KIAA1549: variants seen among roughly 807,000 people sequenced by gnomAD.
KIAA1549 encodes UPF0606 protein KIAA1549.
In KIAA1549, 70 loss-of-function variants were observed where a neutral mutation model predicts 156.4. The observed-to-expected ratio is 0.45, with a 90% CI of 0.37 to 0.55. The LOEUF (loss-of-function observed/expected upper bound fraction) is 0.55. Ranked by LOEUF, KIAA1549 falls within the 20% of genes least tolerant of loss-of-function variation. The pLI, the probability that KIAA1549 is intolerant of heterozygous loss-of-function variation, is 0.00. For synonymous variants in KIAA1549, 1,103 were observed against 1,066.4 expected, an observed-to-expected ratio of 1.03 and a Z score of -0.67; for missense variants, 2,428 against 2,540.9, an observed-to-expected ratio of 0.96 and a Z score of 0.96.
chr7:138,894,247 C>A (rs1034846213), intron 10 of KIAA1549, 95 bp downstream of exon 10: 2 of 1,221,642 alleles, frequency 1.6e-6, no homozygotes, highest in African/African-American at 3.0e-5. Context: ...AGCCCTCCCT[C>A]TTCCTCATCT....
Position 138,881,603 on chromosome 7 carries a change from C to T in KIAA1549, c.4033-19G>A, listed in dbSNP as rs558572322. 576 of 1,599,406 alleles carry T rather than the reference C, an allele frequency of 3.6e-4. 7 individuals carry two copies. In the South Asian group the frequency reaches 6.2e-3, roughly 17 times the overall value. ...TCTGCAGCTGAAACATACACACACA[C>T]AAACAAGATTGTTAACCCGGAATCC... On this transcript the variant is annotated intron_variant, in intron 10 of 19. Coordinates refer to ENST00000422774, the MANE Select transcript of KIAA1549 (RefSeq NM_001164665.2).
intron 6 of KIAA1549, among the ~76,000 whole-genome samples, chr7:138,906,367 A>G (rs532758090): frequency 3.9e-5 from 6 of 152,340 alleles, no homozygotes; most frequent in East Asian, 1.9e-4. Flanking sequence ...GGATCAACCA[A>G]TGCAGGTTGA....
At chr7:138,887,359 G>C (rs1811422644) in intron 10 of KIAA1549, among the ~76,000 whole-genome samples, 2 of 152,026 alleles carry the variant, frequency 1.3e-5, no homozygotes, top group African/African-American at 4.8e-5. Context: ...TAAATAAAAT[G>C]CGTTTATTTT....
intron 1 of KIAA1549, among the ~76,000 whole-genome samples, chr7:138,929,284 T>C (rs1463683833): frequency 6.6e-6 from 1 of 152,254 alleles, no homozygotes; most frequent in Non-Finnish European, 1.5e-5. Flanking sequence ...TTCAACAATA[T>C]TCACAGCATC....
At chr7:138,978,857 C>G (rs1814457344) in intron 1 of KIAA1549, among the ~76,000 whole-genome samples, 1 of 152,208 alleles carries the variant, frequency 6.6e-6, no homozygotes, top group South Asian at 2.1e-4. Context: ...GCAACGCACC[C>G]TCTTCCCAGG....
At chr7:138,861,565 A>C in intron 15 of KIAA1549, 109 bp from the exon 16 acceptor site, 1 of 953,344 alleles carries the variant, frequency 1.0e-6, no homozygotes, top group Non-Finnish European at 1.6e-6. Flanking sequence ...AAAAAATGAC[A>C]GTTGAGGCTG....
chr7:138,969,032 T>TA (rs1814132384), intron 1 of KIAA1549, among the ~76,000 whole-genome samples: 1 of 152,064 alleles, frequency 6.6e-6, no homozygotes, highest in Non-Finnish European at 1.5e-5. Flanking sequence ...ATCACCCAGG[T>TA]ATTAAGCCCA....
At chr7:138,930,077 T>C (rs937193353) in intron 1 of KIAA1549, among the ~76,000 whole-genome samples, 1 of 152,252 alleles carries the variant, frequency 6.6e-6, no homozygotes, top group African/African-American at 2.4e-5. Flanking sequence ...AAAGCAACTT[T>C]AATCTCCTTA....
chr7:138,856,273 C>T (rs1403919422), intron 16 of KIAA1549, among the ~76,000 whole-genome samples: 3 of 151,784 alleles, frequency 2.0e-5, no homozygotes, highest in Admixed American at 6.6e-5. Context: ...CTCCTGACCT[C>T]GTGATCCACC....
At position 138,957,853 on chromosome 7, in the gene KIAA1549, C is replaced by G. The variant is rs115185471; in HGVS notation, c.187+23230G>C. Among the ~76,000 whole-genome samples, 1,019 of 152,230 alleles carry G rather than the reference C, an allele frequency of 6.7e-3. 10 individuals are homozygous for G. The highest frequency in any genetic ancestry group is 0.024 in the African/African-American group (979 of 41,530). ...CTTGCTGCCACCTCATCTCTACTGT[C>G]CCTTATTCTCTCTTTGTCCACTTCT... On this transcript the variant is annotated intron_variant, in intron 1 of 19. Transcript: ENST00000422774.
chr7:138,839,851 G>T (rs972646585), intron 19 of KIAA1549, among the ~76,000 whole-genome samples: 1 of 124,066 alleles, frequency 8.1e-6, no homozygotes, highest in Admixed American at 1.1e-4. Context: ...GCAGTGGCAC[G>T]ATCTCGGCTT....
intron 1 of KIAA1549, among the ~76,000 whole-genome samples, chr7:138,929,571 G>A (rs1018015913): frequency 5.3e-5 from 8 of 152,126 alleles, no homozygotes; most frequent in Non-Finnish European, 7.4e-5. Flanking sequence ...ATTCTTTATG[G>A]CATCTAGAAT....
chr7:138,958,133 C>T (rs1019787019), intron 1 of KIAA1549, among the ~76,000 whole-genome samples: 60 of 152,298 alleles, frequency 3.9e-4, no homozygotes, highest in Admixed American at 3.4e-3. Flanking sequence ...AATGATTATG[C>T]GTGTGCCTGT....
chr7:138,980,377 T>G (rs1402432052), intron 1 of KIAA1549, among the ~76,000 whole-genome samples: 4 of 152,244 alleles, frequency 2.6e-5, no homozygotes, highest in Non-Finnish European at 5.9e-5. Context: ...TCATGCCTCT[T>G]CATTCCATAC....
At chr7:138,946,067 A>C (rs1485818053) in intron 1 of KIAA1549, among the ~76,000 whole-genome samples, 2 of 144,226 alleles carry the variant, frequency 1.4e-5, no homozygotes. Context: ...AGCTCTCTCC[A>C]CCCTTTGCCT....
chr7:138,917,908 A>T lies in KIAA1549; in HGVS notation c.1718T>A (p.Ile573Lys). The T allele has an allele frequency of 6.2e-7, 1 of 1,601,346 alleles. No homozygotes were observed. Among genetic ancestry groups the T allele is most frequent in the Non-Finnish European group, 8.5e-7 (1 of 1,173,842 alleles). Residue 573 changes from isoleucine to lysine, a missense_variant, in exon 2 of 20, where the codon ATA becomes AAA. Coordinates refer to ENST00000422774, the MANE Select transcript of KIAA1549 (RefSeq NM_001164665.2). ...SILLDSSFSVIANKNTPSLAV... is the reference protein window; with the variant it reads ...SILLDSSFSVKANKNTPSLAV... ...AAGCGACGGTGTGTTTTTGTTTGCT[A>T]TGACAGAGAAAGATGAGTCAAGGAG...
At chr7:138,888,555 T>A (rs940145574) in intron 10 of KIAA1549, among the ~76,000 whole-genome samples, 1 of 152,252 alleles carries the variant, frequency 6.6e-6, no homozygotes, top group Non-Finnish European at 1.5e-5. Context: ...ACAGCAATCA[T>A]CTATGTGTCT....
chr7:138,936,461 A>G (rs778718400), intron 1 of KIAA1549, among the ~76,000 whole-genome samples: 1 of 152,158 alleles, frequency 6.6e-6, no homozygotes, highest in Non-Finnish European at 1.5e-5. Flanking sequence ...TGCCTCGCAC[A>G]ACTTCTGTGA....
In KIAA1549 at chr7:138,836,120, C is replaced by CA. The variant is rs1809699152; in HGVS notation, c.*1785dup. The CA allele has an allele frequency of 4.7e-6, 1 of 213,382 alleles. No homozygotes were observed. Among genetic ancestry groups the CA allele is most frequent in the African/African-American group, 2.3e-5 (1 of 44,182 alleles). The allele number at this position is 213,382 out of a possible 1,614,324, so 13.2% of individuals were successfully genotyped here. ...CACAGATACACAGGTTTTGATCAGT[C>CA]AGAGCCCCAAATTCTATAGCCCCTT... On this transcript the variant is annotated 3_prime_UTR_variant, in exon 20 of 20. Coordinates refer to ENST00000422774, the MANE Select transcript of KIAA1549 (RefSeq NM_001164665.2).
Sources: allele counts gnomAD v4.1 joint callset (sites outside exome capture counted in the v4.1 genomes callset), GRCh38; gene constraint gnomAD v4.1.1; transcripts MANE v1.5; gene names NCBI Gene and HGNC (gene_info 2026-07-23, HGNC 2026-07-21).